The following RIF1 variants were observed in gnomAD, a reference collection of about 807,000 sequenced individuals.
RIF1 encodes replication timing regulatory factor 1.
Under a neutral mutation model 247.1 loss-of-function variants are expected in RIF1, and 45 were observed. That is an observed-to-expected ratio of 0.18 (90% CI 0.14 to 0.23). RIF1 has a LOEUF of 0.23. Ranked by LOEUF, RIF1 falls within the 10% of genes least tolerant of loss-of-function variation. The pLI is 1.00. For synonymous variants in RIF1, 1,087 were observed against 978.8 expected, an observed-to-expected ratio of 1.11 and a Z score of -2.06; for missense variants, 2,967 against 2,862.5, an observed-to-expected ratio of 1.04 and a Z score of -0.83.
chr2:151,489,853 G>A, intron 9 of RIF1: 1 of 622,868 alleles, frequency 1.6e-6, no homozygotes, highest in Non-Finnish European at 2.8e-6. Flanking sequence ...TAATAAAAGA[G>A]CATTATATAA....
At chr2:151,503,190 G>C in intron 12 of RIF1, 2 of 614,574 alleles carry the variant, frequency 3.3e-6, no homozygotes, top group Non-Finnish European at 5.7e-6. Context: ...GGAAATGTGA[G>C]TCATTTTGTA....
At chr2:151,462,728 G>A (rs1438602977) in intron 29 of RIF1, among the ~76,000 whole-genome samples, 156 bp from the exon 30 acceptor site, 1 of 152,036 alleles carries the variant, frequency 6.6e-6, no homozygotes, top group Non-Finnish European at 1.5e-5. Context: ...AAACTGTTAG[G>A]TATCTACCAC....
chr2:151,528,772 G>A, the RIF1 span, among the ~76,000 whole-genome samples: 1 of 152,212 alleles, frequency 6.6e-6, no homozygotes, highest in African/African-American at 2.4e-5. Context: ...GGGAATATCT[G>A]AGCAGGAAGA....
Position 151,445,828 on chromosome 2 carries a change from T to C in RIF1, c.2094+383T>C, listed in dbSNP as rs143768083. Among the ~76,000 whole-genome samples, 356 of 152,302 alleles carry C rather than the reference T, an allele frequency of 2.3e-3. 9 individuals are homozygous for C. The East Asian group carries it at 0.046, about 20-fold the overall frequency. The stretch of plus-strand genomic sequence containing the variant: ...TGCTGGGATTACAGGCGTGAGCCAC[T>C]GTGCCCAGCCCACAATAATTTCTAA... On this transcript the variant is annotated intron_variant, in intron 19 of 35. Coordinates refer to ENST00000444746, the MANE Select transcript of RIF1 (RefSeq NM_018151.5).
At chr2:151,490,190 AAG>A (rs1217615325) in intron 9 of RIF1, 18 of 1,182,946 alleles carry the variant, frequency 1.5e-5, no homozygotes, top group East Asian at 1.2e-4. Flanking sequence ...GATTTCCAAA[AAG>A]AGAAATCAAA....
intron 27 of RIF1, 31 bp from the exon 28 acceptor site, chr2:151,462,211 T>C: frequency 7.1e-7 from 1 of 1,401,214 alleles, no homozygotes; most frequent in Non-Finnish European, 9.9e-7. Context: ...TCATCCGGTT[T>C]TTGAAGTTAC....
chr2:151,496,451 C>A (rs2152941079), intron 10 of RIF1: 2 of 1,492,300 alleles, frequency 1.3e-6, no homozygotes, highest in Non-Finnish European at 1.8e-6. Flanking sequence ...GGTCAACTTC[C>A]TTGTTAAGAA....
At chr2:151,503,971 A>ATCTT (rs1340879182) in intron 12 of RIF1, among the ~76,000 whole-genome samples, 1 of 152,186 alleles carries the variant, frequency 6.6e-6, no homozygotes, top group Non-Finnish European at 1.5e-5. Flanking sequence ...CAGGAAGAGC[A>ATCTT]TCTTTACCTG....
the RIF1 span, among the ~76,000 whole-genome samples, chr2:151,533,823 T>C: frequency 3.1e-4 from 48 of 152,384 alleles, no homozygotes; most frequent in African/African-American, 1.2e-3. Flanking sequence ...AAGACATCTT[T>C]GGAATAGAAA....
At position 151,464,624 on chromosome 2, in the gene RIF1, A is replaced by T; in HGVS notation, c.5104A>T (p.Ile1702Leu). The change falls in exon 30 of 36, where the codon ATA becomes TTA. Residue 1702 changes from isoleucine (I) to leucine (L), a missense_variant. This residue lies in a region of RIF1 where 2,028 missense variants were observed against 1,825.6 expected (regional missense o/e 1.11). Coordinates refer to ENST00000444746, the MANE Select transcript of RIF1 (RefSeq NM_018151.5). ...CSLGESSKIGISDISSLSEKT... is the reference protein window; with the variant it reads ...CSLGESSKIGLSDISSLSEKT... ...TTTGGGAGAATCCTCAAAAATAGGG[A>T]TATCAGATATTTCTTCGCTTTCAGA... is the stretch of plus-strand genomic sequence containing the variant. The T allele has an allele frequency of 6.2e-7, 1 of 1,613,724 alleles. No homozygotes were observed.
chr2:151,488,433 G>A (rs1214388111), intron 9 of RIF1, among the ~76,000 whole-genome samples: 1 of 150,142 alleles, frequency 6.7e-6, no homozygotes, highest in Non-Finnish European at 1.5e-5. Flanking sequence ...GAGGGCTTGA[G>A]CCTAGGGGTT....
intron 20 of RIF1, 46 bp from the exon 21 acceptor site, chr2:151,451,560 T>C (rs377492140): frequency 5.5e-6 from 5 of 907,734 alleles, no homozygotes; most frequent in African/African-American, 4.9e-5. Flanking sequence ...TGTTGAATAC[T>C]GTCCCAGTAC....
At chr2:151,427,219 C>CTTTTTTT (rs113002023) in intron 8 of RIF1, among the ~76,000 whole-genome samples, 1 of 145,438 alleles carries the variant, frequency 6.9e-6, no homozygotes, top group Non-Finnish European at 1.5e-5. Context: ...TCCTTTTTTT[C>CTTTTTTT]TTTTTTTTTT....
At chr2:151,428,656 G>A in intron 8 of RIF1, 128 bp from the exon 9 acceptor site, 1 of 689,746 alleles carries the variant, frequency 1.4e-6, no homozygotes, top group Non-Finnish European at 2.5e-6. Flanking sequence ...TGAATAATTT[G>A]TCTTTTGTCT....
intron 9 of RIF1, among the ~76,000 whole-genome samples, chr2:151,429,172 G>T (rs931526359): frequency 3.9e-5 from 6 of 152,056 alleles, no homozygotes; most frequent in African/African-American, 1.4e-4. Flanking sequence ...ATGATTTGTG[G>T]CTTCCTTTTT....
the RIF1 span, chr2:151,527,617 G>T: frequency 1.3e-6 from 2 of 1,506,152 alleles, no homozygotes; most frequent in South Asian, 2.3e-5. Context: ...GGAATCACTT[G>T]ATTCAGTAGG....
At chr2:151,508,911 C>T (rs1438291562), downstream of RIF1, among the ~76,000 whole-genome samples, 1 of 152,226 alleles carries the variant, frequency 6.6e-6, no homozygotes, top group Non-Finnish European at 1.5e-5. Flanking sequence ...TTCTCTGCAG[C>T]AGAACACTTT....
At chr2:151,457,185 G>A (rs1280354890) in intron 23 of RIF1, among the ~76,000 whole-genome samples, 1 of 151,722 alleles carries the variant, frequency 6.6e-6, no homozygotes, top group African/African-American at 2.4e-5. Flanking sequence ...GCAGTGGCAC[G>A]ATCACGGCTT....
rs1394332744 is a variant in RIF1 at position 151,465,011 on chromosome 2, A to T, written c.5491A>T (p.Ile1831Leu). The T allele has an allele frequency of 6.3e-7, 1 of 1,578,600 alleles. No individual in the cohort carries two copies. Residue 1831 changes from isoleucine (I) to leucine (L), a missense_variant, in exon 30 of 36, where the codon ATA becomes TTA. This residue lies in a region of RIF1 where 2,028 missense variants were observed against 1,825.6 expected (regional missense o/e 1.11). Coordinates refer to ENST00000444746, the MANE Select transcript of RIF1 (RefSeq NM_018151.5). ...NTMQESLPSG[I>L]VNFREEICDM... Reference sequence around the variant, plus strand: ...TATGCAAGAATCTCTTCCTTCTGGAATAGTAAACTTTAGAGAGGAAATTTG... The same window carrying T: ...TATGCAAGAATCTCTTCCTTCTGGATTAGTAAACTTTAGAGAGGAAATTTG...
Sources: gnomAD v4.1 joint callset for allele counts (sites outside exome capture counted in the v4.1 genomes callset) on GRCh38, gnomAD v4.1.1 for gene constraint, gnomAD v4.1.1 regional missense constraint, MANE v1.5 for transcripts, NCBI Gene and HGNC (gene_info 2026-07-23, HGNC 2026-07-21) for gene names.